Variants in CEP112 observed in about 807,000 individuals in gnomAD.
The protein encoded by CEP112 is centrosomal protein 112, also known as centrosomal protein of 112 kDa.
A neutral mutation model predicts 153.0 loss-of-function variants in CEP112; 127 were observed. The observed-to-expected ratio is 0.83, with a 90% CI of 0.72 to 0.96. CEP112 has a LOEUF of 0.96. CEP112 is among the 40% of genes least tolerant of loss of function. The probability of loss-of-function intolerance (pLI) is 0.00; values close to 1 mark genes in which losing one functional copy is unlikely to be tolerated. For synonymous variants in CEP112, 358 were observed against 374.4 expected (o/e 0.96, Z 0.51); for missense variants, 1,089 against 1,101.2 (o/e 0.99, Z 0.16).
chr17:65,905,468 G>C (rs892347449), intron 19 of CEP112, among the ~76,000 whole-genome samples: 1 of 152,246 alleles, frequency 6.6e-6, no homozygotes, highest in African/African-American at 2.4e-5. Context: ...TAGAGAGGAT[G>C]TGGAGAAACA....
chr17:65,966,810 C>G (rs34464768), intron 17 of CEP112, among the ~76,000 whole-genome samples: 63,056 of 152,088 alleles, frequency 0.41, 14,466 homozygotes, highest in East Asian at 0.87. Flanking sequence ...CTGTAGACAG[C>G]TAAACATTTG....
chr17:65,735,926 T>G (rs1345395431), intron 23 of CEP112, among the ~76,000 whole-genome samples: 2 of 152,216 alleles, frequency 1.3e-5, no homozygotes, highest in African/African-American at 4.8e-5. Context: ...GTATGCCATA[T>G]TGACAAGTAT....
intron 23 of CEP112, among the ~76,000 whole-genome samples, chr17:65,695,166 C>G (rs1367769811): frequency 1.3e-5 from 2 of 152,170 alleles, no homozygotes; most frequent in African/African-American, 4.8e-5. Flanking sequence ...AAAATGTAAA[C>G]GACATAAGCA....
chr17:65,895,301 A>C (rs35625078), intron 20 of CEP112, among the ~76,000 whole-genome samples: 26,004 of 151,990 alleles, frequency 0.17, 2,702 homozygotes, highest in South Asian at 0.31. Flanking sequence ...GACCCAGCAG[A>C]GAGCTTGGCA....
At chr17:66,000,108 C>T (rs763319978) in intron 17 of CEP112, among the ~76,000 whole-genome samples, 3 of 152,076 alleles carry the variant, frequency 2.0e-5, no homozygotes, top group Admixed American at 2.0e-4. Flanking sequence ...ATTGCTGGGT[C>T]GAATGGTACT....
chr17:65,923,498 T>C (rs1302943104), intron 19 of CEP112, among the ~76,000 whole-genome samples: 1 of 152,164 alleles, frequency 6.6e-6, no homozygotes, highest in African/African-American at 2.4e-5. Flanking sequence ...TGAGCCATGA[T>C]CATGCCACTG....
At chr17:66,117,298 A>G (rs1258140380) in intron 6 of CEP112, among the ~76,000 whole-genome samples, 1 of 152,186 alleles carries the variant, frequency 6.6e-6, no homozygotes, top group Non-Finnish European at 1.5e-5. Context: ...TCACTCTGAT[A>G]GGCTTCAGCT....
intron 21 of CEP112, among the ~76,000 whole-genome samples, chr17:65,755,502 G>T (rs2052201929): frequency 6.6e-6 from 1 of 152,134 alleles, no homozygotes; most frequent in East Asian, 1.9e-4. Flanking sequence ...CAGTATAGGA[G>T]AAATATATCC....
chr17:65,953,748 A>G (rs928285580), intron 18 of CEP112, among the ~76,000 whole-genome samples: 2 of 152,092 alleles, frequency 1.3e-5, no homozygotes, highest in Non-Finnish European at 2.9e-5. Flanking sequence ...CCCTGGAAAT[A>G]TAACTCCACT....
chr17:66,153,984 GA>G (rs147239254), intron 4 of CEP112, among the ~76,000 whole-genome samples: 5,870 of 136,172 alleles, frequency 0.043, 158 homozygotes, highest in East Asian at 0.077. Flanking sequence ...CCAACAGAAT[GA>G]AACCCTATCT....
chr17:65,842,840 G>A (rs566210663), intron 21 of CEP112, among the ~76,000 whole-genome samples: 138 of 152,130 alleles, frequency 9.1e-4, no homozygotes, highest in Middle Eastern at 6.8e-3. Flanking sequence ...TTTTGTCAAA[G>A]TAACAACAAA....
At chr17:65,867,307 C>A (rs984393690) in intron 20 of CEP112, among the ~76,000 whole-genome samples, 13 of 152,148 alleles carry the variant, frequency 8.5e-5, no homozygotes, top group African/African-American at 3.1e-4. Flanking sequence ...GGGATCCAGG[C>A]AGGTAATGCA....
intron 22 of CEP112, among the ~76,000 whole-genome samples, chr17:65,745,926 T>C (rs962573929): frequency 1.3e-5 from 2 of 150,864 alleles, no homozygotes; most frequent in African/African-American, 4.9e-5. Context: ...ATAATTCAGG[T>C]TTTGAGGCGG....
chr17:65,960,273 A>G (rs931969354), intron 18 of CEP112, among the ~76,000 whole-genome samples: 1 of 152,208 alleles, frequency 6.6e-6, no homozygotes, highest in African/African-American at 2.4e-5. Flanking sequence ...CATGGTTAGC[A>G]CACAGATACA....
intron 23 of CEP112, among the ~76,000 whole-genome samples, chr17:65,712,131 G>GAGTC (rs536374994): frequency 8.2e-4 from 125 of 152,192 alleles, no homozygotes; most frequent in African/African-American, 2.6e-3. Flanking sequence ...CAACATCTGA[G>GAGTC]AGTCAGCATG....
intron 4 of CEP112, among the ~76,000 whole-genome samples, chr17:66,140,024 C>G (rs1334854949): frequency 6.6e-6 from 1 of 152,076 alleles, no homozygotes; most frequent in Non-Finnish European, 1.5e-5. Context: ...TGCAAAAATC[C>G]TCAACAAAAT....
At chr17:65,988,935 C>T (rs886718171) in intron 17 of CEP112, among the ~76,000 whole-genome samples, 4 of 151,912 alleles carry the variant, frequency 2.6e-5, no homozygotes, top group African/African-American at 9.7e-5. Flanking sequence ...TAAGAAAGCA[C>T]CAAACAGGGC....
intron 24 of CEP112, among the ~76,000 whole-genome samples, chr17:65,650,930 T>C (rs1860835571): frequency 6.6e-6 from 1 of 151,786 alleles, no homozygotes; most frequent in Admixed American, 6.6e-5. Context: ...ATATTTTTTA[T>C]GTATATATAT....
chr17:65,946,545 T>C (rs1362665), intron 18 of CEP112, among the ~76,000 whole-genome samples: 72,735 of 151,882 alleles, frequency 0.48, 18,415 homozygotes, highest in East Asian at 0.89. Flanking sequence ...TGTGCCAATA[T>C]CACACTCTAT....
Sources: gnomAD v4.1 joint callset for allele counts (sites outside exome capture counted in the v4.1 genomes callset) on GRCh38, gnomAD v4.1.1 for gene constraint, MANE v1.5 for transcripts, NCBI Gene and HGNC (gene_info 2026-07-23, HGNC 2026-07-21) for gene names.